The following MSRB3 variants were observed in gnomAD, a reference collection of about 807,000 sequenced individuals.
MSRB3 encodes methionine-R-sulfoxide reductase B3.
In MSRB3, 13 loss-of-function variants were observed where a neutral mutation model predicts 21.0. The ratio of observed to expected loss-of-function variants is 0.62; its 90% CI spans 0.40 to 0.98. The LOEUF (loss-of-function observed/expected upper bound fraction) is 0.98. MSRB3 is among the 50% of genes least tolerant of loss of function. The pLI is 0.00. For missense variants in MSRB3, 199 were observed against 230.3 expected (o/e 0.86, Z 0.88); for synonymous variants, 87 against 88.6 (o/e 0.98, Z 0.10).
At chr12:65,337,301 A>T (rs1466600122) in intron 4 of MSRB3, among the ~76,000 whole-genome samples, 1 of 151,548 alleles carries the variant, frequency 6.6e-6, no homozygotes, top group Non-Finnish European at 1.5e-5. Flanking sequence ...GGGCATGGTG[A>T]TGCATGCCTG....
chr12:65,418,746 A>G (rs1057043514), intron 5 of MSRB3: 17 of 925,616 alleles, frequency 1.8e-5, no homozygotes, highest in Non-Finnish European at 3.0e-5. Flanking sequence ...CTTTGGTGTC[A>G]TTGATCTCAG....
intron 5 of MSRB3, among the ~76,000 whole-genome samples, chr12:65,451,872 T>C (rs115632150): frequency 1.6e-3 from 241 of 152,364 alleles, no homozygotes; most frequent in African/African-American, 5.4e-3. Flanking sequence ...ACATTTGAGT[T>C]GTGCCTTTGT....
At chr12:65,313,190 ACTT>A (rs1016469657) in intron 2 of MSRB3, among the ~76,000 whole-genome samples, 1 of 152,118 alleles carries the variant, frequency 6.6e-6, no homozygotes, top group Admixed American at 6.6e-5. Flanking sequence ...CCTTTTGATC[ACTT>A]CTTTGCAGCA....
intron 5 of MSRB3, among the ~76,000 whole-genome samples, chr12:65,376,831 AAAAG>A (rs925291444): frequency 3.9e-5 from 6 of 152,142 alleles, no homozygotes; most frequent in Non-Finnish European, 8.8e-5. Context: ...AAATATATAT[AAAAG>A]AAAGAAAGAA....
intron 5 of MSRB3, among the ~76,000 whole-genome samples, chr12:65,398,187 G>A (rs1487933853): frequency 6.6e-6 from 1 of 152,152 alleles, no homozygotes; most frequent in African/African-American, 2.4e-5. Context: ...TTGCCACACT[G>A]TCTTCCACAA....
At chr12:65,343,458 T>C (rs1876274929) in intron 4 of MSRB3, among the ~76,000 whole-genome samples, 2 of 152,100 alleles carry the variant, frequency 1.3e-5, no homozygotes, top group South Asian at 2.1e-4. Context: ...AGGCAATCAA[T>C]GAAGGGCGGG....
chr12:65,445,925 G>T (rs1276345223), intron 5 of MSRB3, among the ~76,000 whole-genome samples: 1 of 152,098 alleles, frequency 6.6e-6, no homozygotes. Flanking sequence ...GATTAGAGGT[G>T]TGAGCCACCA....
At chr12:65,409,437 GTGTATCTATACTTA>G (rs1880602554) in intron 5 of MSRB3, among the ~76,000 whole-genome samples, 1 of 151,898 alleles carries the variant, frequency 6.6e-6, no homozygotes, top group African/African-American at 2.4e-5. Flanking sequence ...TTAAGTATTT[GTGTATCTATACTTA>G]TATAGATACA....
At chr12:65,399,813 G>C (rs147762483) in intron 5 of MSRB3, among the ~76,000 whole-genome samples, 3 of 152,088 alleles carry the variant, frequency 2.0e-5, no homozygotes, top group Non-Finnish European at 4.4e-5. Context: ...TAGCATGAAG[G>C]GGTGTTGAAT....
chr12:65,395,002 T>C (rs1023105017), intron 5 of MSRB3, among the ~76,000 whole-genome samples: 2 of 152,088 alleles, frequency 1.3e-5, no homozygotes, highest in Non-Finnish European at 2.9e-5. Flanking sequence ...AACAAAGATG[T>C]CAGTTTTCAC....
intron 5 of MSRB3, chr12:65,420,042 C>G (rs561891716): frequency 4.2e-6 from 2 of 473,128 alleles, no homozygotes; most frequent in East Asian, 1.2e-4. Flanking sequence ...GGGAAGAGAG[C>G]GGGAAGAGAG....
intron 2 of MSRB3, 162 bp downstream of exon 2, chr12:65,308,817 T>G (rs1873810713): frequency 2.3e-6 from 2 of 867,088 alleles, no homozygotes; most frequent in South Asian, 2.9e-5. Flanking sequence ...CTACTTTGAG[T>G]AACATTCATT....
At chr12:65,348,255 A>G (rs1379402021) in intron 4 of MSRB3, among the ~76,000 whole-genome samples, 5 of 152,090 alleles carry the variant, frequency 3.3e-5, no homozygotes, top group Non-Finnish European at 7.4e-5. Flanking sequence ...TATTGCCTCA[A>G]TTTCAGAGCA....
At chr12:65,308,791 G>C in intron 2 of MSRB3, 136 bp downstream of exon 2, 1 of 1,152,140 alleles carries the variant, frequency 8.7e-7, no homozygotes, top group Non-Finnish European at 1.3e-6. Flanking sequence ...ACGGAAATTG[G>C]TTATAAATCA....
intron 4 of MSRB3, among the ~76,000 whole-genome samples, chr12:65,362,880 G>A (rs919492555): frequency 1.3e-5 from 2 of 152,138 alleles, no homozygotes; most frequent in Non-Finnish European, 2.9e-5. Context: ...GGTCGGTGAA[G>A]GCCTTTGAGT....
intron 5 of MSRB3, chr12:65,419,516 C>A: frequency 4.0e-6 from 3 of 741,538 alleles, no homozygotes; most frequent in South Asian, 1.4e-5. Flanking sequence ...AGCTCTGTGT[C>A]ATACTTGACT....
chr12:65,278,813 C>T lies in MSRB3; in HGVS notation c.-104C>T. The T allele has an allele frequency of 1.3e-6, 2 of 1,570,714 alleles. No homozygotes were observed. Among genetic ancestry groups the T allele is most frequent in the Non-Finnish European group, 1.7e-6 (2 of 1,158,262 alleles). On this transcript the variant is annotated 5_prime_UTR_variant, in exon 1 of 7. Coordinates refer to ENST00000308259, the MANE Select transcript of MSRB3 (RefSeq NM_001031679.3). ...TCCCGCGCCCCCTCTCGCTCTGCCT[C>T]TCCCTCTGCCTCTGCCTCTGCCTGG...
chr12:65,310,176 A>G (rs1028757301), intron 2 of MSRB3, among the ~76,000 whole-genome samples: 3 of 152,116 alleles, frequency 2.0e-5, no homozygotes, highest in Non-Finnish European at 4.4e-5. Flanking sequence ...TGAGGGGCTA[A>G]TGAAGCTTAA....
intron 1 of MSRB3, chr12:65,307,110 G>C: frequency 1.1e-6 from 1 of 891,486 alleles, no homozygotes; most frequent in Non-Finnish European, 1.3e-6. Context: ...AGTGTTGTGA[G>C]GTATAGACCT....
Sources: gnomAD v4.1 joint callset for allele counts (sites outside exome capture counted in the v4.1 genomes callset) on GRCh38, gnomAD v4.1.1 for gene constraint, MANE v1.5 for transcripts, NCBI Gene and HGNC (gene_info 2026-07-23, HGNC 2026-07-21) for gene names.